ANKS1A: variants seen among roughly 807,000 people sequenced by gnomAD.
The protein encoded by ANKS1A is ankyrin repeat and SAM domain-containing protein 1A.
In ANKS1A, 55 loss-of-function variants were observed where a neutral mutation model predicts 120.3. The observed-to-expected ratio is 0.46, with a 90% CI of 0.37 to 0.57. The LOEUF is 0.57. ANKS1A is among the 20% of genes least tolerant of loss of function. The probability of loss-of-function intolerance (pLI) is 0.00; values close to 1 mark genes in which losing one functional copy is unlikely to be tolerated. For missense variants in ANKS1A, 1,123 were observed against 1,480.3 expected, an observed-to-expected ratio of 0.76 and a Z score of 3.96; for synonymous variants, 590 against 604.7, an observed-to-expected ratio of 0.98 and a Z score of 0.36.
chr6:35,074,156 C>T (rs932694061), intron 13 of ANKS1A, among the ~76,000 whole-genome samples: 8 of 152,256 alleles, frequency 5.3e-5, no homozygotes, highest in Non-Finnish European at 1.0e-4. Context: ...TGAAAGCTGG[C>T]GAAGGTTTCT....
At chr6:34,965,354 ATTAT>A (rs1770842057) in intron 1 of ANKS1A, among the ~76,000 whole-genome samples, 1 of 151,892 alleles carries the variant, frequency 6.6e-6, no homozygotes, top group East Asian at 1.9e-4. Context: ...ATTTTATTTT[ATTAT>A]TTATTTATTT....
rs985199128 is a variant in ANKS1A at position 35,086,172 on chromosome 6, A to G, written c.3303+236A>G. ...TTCCCTCCCTCGCTGGGCTCCCCCA[A>G]GGGCAAGGCCGTCAAGGGGCTGCAG... is the stretch of plus-strand genomic sequence containing the variant. On this transcript the variant is annotated intron_variant, in intron 22 of 23. Transcript: ENST00000360359. The surrounding 1 kb of genome is among the most constrained non-coding windows in gnomAD (Gnocchi z 5.1). 4 of 1,247,958 alleles carry G rather than the reference A, an allele frequency of 3.2e-6. No homozygotes were observed. The highest frequency in any genetic ancestry group is 4.4e-6 in the Non-Finnish European group (4 of 913,854). 77.3% of individuals were successfully genotyped at this position (1,247,958 alleles called of 1,614,324 possible).
chr6:35,090,069 A>G lies in ANKS1A; in HGVS notation c.*1460A>G. The G allele has an allele frequency of 3.9e-6, 5 of 1,273,534 alleles. No homozygotes were observed. The highest frequency in any genetic ancestry group is 5.1e-6 in the Non-Finnish European group (5 of 979,714). 78.9% of individuals were successfully genotyped at this position (1,273,534 alleles called of 1,614,324 possible). On this transcript the variant is annotated 3_prime_UTR_variant, in exon 24 of 24. Coordinates refer to ENST00000360359, the MANE Select transcript of ANKS1A (RefSeq NM_015245.3). Reference sequence around the variant, plus strand: ...AGTGGGGCTGTGTCTCTGACTGGCTAGAGGCCAGGCCTTGTGGGTTTCTAT... The same window carrying G: ...AGTGGGGCTGTGTCTCTGACTGGCTGGAGGCCAGGCCTTGTGGGTTTCTAT...
intron 23 of ANKS1A, among the ~76,000 whole-genome samples, chr6:35,087,904 C>G (rs1335639662): frequency 1.3e-5 from 2 of 152,226 alleles, no homozygotes; most frequent in Non-Finnish European, 2.9e-5. Context: ...AGTCTCAAGG[C>G]CTGGCAGCCT....
intron 12 of ANKS1A, among the ~76,000 whole-genome samples, chr6:35,056,867 A>G (rs1409100771): frequency 1.3e-5 from 2 of 151,840 alleles, no homozygotes; most frequent in African/African-American, 2.4e-5. Flanking sequence ...CTGCCCATGA[A>G]CCCTGTCTGA....
chr6:34,989,193 C>T lies in ANKS1A; in HGVS notation c.1210-31C>T, dbSNP rs201596493. On this transcript the variant is annotated intron_variant, in intron 8 of 23. Coordinates refer to ENST00000360359, the MANE Select transcript of ANKS1A (RefSeq NM_015245.3). ...AAAATTAGATACTTAAAAAAGAGAT[C>T]GCAAAATATTTATTTTTTTCTCTTC... The T allele has an allele frequency of 2.6e-5, 41 of 1,600,772 alleles. 1 individual carries two copies. The highest frequency in any genetic ancestry group is 4.0e-5 in the African/African-American group (3 of 74,164).
At chr6:34,927,159 A>G (rs1342438214) in intron 1 of ANKS1A, among the ~76,000 whole-genome samples, 2 of 152,150 alleles carry the variant, frequency 1.3e-5, no homozygotes, top group South Asian at 4.2e-4. Flanking sequence ...GGTGCAGAGT[A>G]TAAGTGCTGG....
chr6:35,032,430 C>T (rs2127571030), intron 11 of ANKS1A, among the ~76,000 whole-genome samples: 1 of 152,312 alleles, frequency 6.6e-6, no homozygotes, highest in South Asian at 2.1e-4. Flanking sequence ...TGTGTGTGGC[C>T]CTTCTCCCCA....
At chr6:34,934,885 G>A (rs763441009) in intron 1 of ANKS1A, among the ~76,000 whole-genome samples, 6 of 152,090 alleles carry the variant, frequency 3.9e-5, no homozygotes, top group Non-Finnish European at 8.8e-5. Context: ...TAAGGCTGTT[G>A]TGGGTCACTT....
intron 11 of ANKS1A, among the ~76,000 whole-genome samples, chr6:35,027,298 T>G (rs566607148): frequency 1.3e-5 from 2 of 152,158 alleles, no homozygotes; most frequent in African/African-American, 4.8e-5. Context: ...CCACAAATAA[T>G]TTGCCCTGAT....
chr6:35,039,440 G>A (rs546352453), intron 11 of ANKS1A: 23 of 377,684 alleles, frequency 6.1e-5, no homozygotes, highest in South Asian at 3.2e-4. Flanking sequence ...CAGGTGATCC[G>A]CCCACCTCAG....
chr6:35,088,499 C>T (rs1778116235), intron 23 of ANKS1A, 107 bp from the exon 24 acceptor site: 7 of 1,440,204 alleles, frequency 4.9e-6, no homozygotes, highest in Non-Finnish European at 6.8e-6. Flanking sequence ...CCCGGGGAGG[C>T]TGTGAGGGAT....
intron 1 of ANKS1A, among the ~76,000 whole-genome samples, chr6:34,899,208 C>G (rs1441221149): frequency 6.6e-6 from 1 of 152,188 alleles, no homozygotes; most frequent in East Asian, 1.9e-4. Context: ...TACTTATATT[C>G]AGAAAGTAAC....
chr6:35,086,438 C>T lies in ANKS1A; in HGVS notation c.3303+502C>T, dbSNP rs145345174. 1.1e-5 allele frequency: 12 copies of T among 1,087,506 alleles called. No homozygotes were observed. The highest frequency in any genetic ancestry group is 2.3e-5 in the Admixed American group (1 of 43,268). 67.4% of individuals were successfully genotyped at this position (1,087,506 alleles called of 1,614,324 possible). A position where few individuals can be genotyped will look rare whatever the true frequency, so the allele number is the denominator to read the frequency against. ...GACCGTGAGCGCTCTTAGCCTCTGG[C>T]GGCCTCTCCCTCTGCCTGTGTGACA... On this transcript the variant is annotated intron_variant, in intron 22 of 23. Transcript: ENST00000360359. This position sits in a 1 kb window ranked among gnomAD's most constrained non-coding sequence, Gnocchi z 5.1.
intron 11 of ANKS1A, among the ~76,000 whole-genome samples, chr6:35,047,030 A>G (rs1186775664): frequency 6.6e-6 from 1 of 152,208 alleles, no homozygotes; most frequent in Non-Finnish European, 1.5e-5. Context: ...CTTATCTGAA[A>G]GGTTTTAACT....
At chr6:35,091,524 T>A (rs1291007703), downstream of ANKS1A, 1 of 701,902 alleles carries the variant, frequency 1.4e-6, no homozygotes, top group African/African-American at 2.0e-5. Flanking sequence ...ACCGTTTGGC[T>A]GAGATGACGA....
At position 35,018,190 on chromosome 6, in the gene ANKS1A, A is replaced by G. The variant is rs1055809320; in HGVS notation, c.2010+131A>G. 3 of 874,874 alleles carry G rather than the reference A, an allele frequency of 3.4e-6. No homozygotes were observed. The African/African-American group carries it at 5.1e-5, about 15-fold the overall frequency. 54.2% of individuals were successfully genotyped at this position (874,874 alleles called of 1,614,324 possible). ...GCTCTGGTTCCTTCACTCCGTAACTAATGTATTTCTGACAATCGTAAGAAG... is the reference window on the plus strand; with the variant it reads ...GCTCTGGTTCCTTCACTCCGTAACTGATGTATTTCTGACAATCGTAAGAAG... On this transcript the variant is annotated intron_variant, in intron 11 of 23. Coordinates refer to ENST00000360359, the MANE Select transcript of ANKS1A (RefSeq NM_015245.3).
At chr6:34,999,234 G>T (rs1461057214) in intron 10 of ANKS1A, among the ~76,000 whole-genome samples, 2 of 152,150 alleles carry the variant, frequency 1.3e-5, no homozygotes, top group African/African-American at 2.4e-5. Flanking sequence ...TTGGTCTTGG[G>T]AATTTGCCTC....
intron 3 of ANKS1A, among the ~76,000 whole-genome samples, chr6:34,976,410 G>C (rs929449481): frequency 6.6e-6 from 1 of 152,060 alleles, no homozygotes; most frequent in African/African-American, 2.4e-5. Context: ...ATTATCCTTA[G>C]CTAAGGCAGA....
Sources: allele counts gnomAD v4.1 joint callset (sites outside exome capture counted in the v4.1 genomes callset), GRCh38; gene constraint gnomAD v4.1.1; non-coding constraint Gnocchi (gnomAD v3.1); transcripts MANE v1.5; gene names NCBI Gene and HGNC (gene_info 2026-07-23, HGNC 2026-07-21).